Variants in LGR4 observed in about 807,000 individuals in gnomAD.
The protein encoded by LGR4 is leucine rich repeat containing G protein-coupled receptor 4, also known as leucine-rich repeat-containing G protein-coupled receptor 4.
LGR4 carries 44 observed loss-of-function variants against 84.8 expected under a neutral mutation model. The observed-to-expected ratio is 0.52, with a 90% CI of 0.41 to 0.67. The LOEUF is 0.67. Among genes scored for constraint, LGR4 ranks in the 30% least tolerant of loss-of-function variants. The pLI, the probability that LGR4 is intolerant of heterozygous loss-of-function variation, is 0.00. For synonymous variants in LGR4, 429 were observed against 434.3 expected (o/e 0.99, Z 0.15); for missense variants, 1,032 against 1,131.4 (o/e 0.91, Z 1.26).
rs774510969 is a variant in LGR4 at position 27,368,985 on chromosome 11, T to G, written c.1738A>C (p.Ile580Leu). 3.7e-6 allele frequency: 6 copies of G among 1,614,020 alleles called. No individual in the cohort carries two copies. The South Asian group carries it at 4.4e-5, about 12-fold the overall frequency. ...CCCATGAATAAGTTAGACACAGAAA[T>G]CAAGCCTATAAACAATTTGGACGAA... ...LPSSKLFIGL[I>L]SVSNLFMGIY... is the part of the protein sequence containing the mutation. Residue 580 changes from isoleucine to leucine, a missense_variant, in exon 18 of 18, where the codon ATT (isoleucine) becomes CTT (leucine). Ile to Leu is a conservative substitution (Grantham distance 5, BLOSUM62 2). Coordinates refer to ENST00000379214, the MANE Select transcript of LGR4 (RefSeq NM_018490.5).
Position 27,400,659 on chromosome 11 carries a change from T to C in LGR4, c.258-8141A>G, listed in dbSNP as rs375495439. The stretch of plus-strand genomic sequence containing the variant: ...CTGGGATTACAGGCGCCCGCCACTA[T>C]GCCTAGCTAATTTTTGTATTTTTAG... On this transcript the variant is annotated intron_variant, in intron 2 of 17. Coordinates refer to ENST00000379214, the MANE Select transcript of LGR4 (RefSeq NM_018490.5). Among the ~76,000 whole-genome samples, 43 of 152,110 alleles carry C rather than the reference T, an allele frequency of 2.8e-4. 1 individual carries two copies. The East Asian group carries it at 5.4e-3, about 19-fold the overall frequency.
chr11:27,375,951 T>G (rs1255858771), intron 13 of LGR4, among the ~76,000 whole-genome samples: 2 of 151,940 alleles, frequency 1.3e-5, no homozygotes, highest in Admixed American at 1.3e-4. Context: ...AGTCTAAAAA[T>G]AATATTTATT....
At chr11:27,393,179 T>A (rs1439909909) in intron 2 of LGR4, among the ~76,000 whole-genome samples, 1 of 152,186 alleles carries the variant, frequency 6.6e-6, no homozygotes, top group Non-Finnish European at 1.5e-5. Flanking sequence ...ACCCAATTCA[T>A]ACTGAGCCCT....
chr11:27,368,773 T>G lies in LGR4; in HGVS notation c.1950A>C (p.Ile650=). 6.2e-7 allele frequency: 1 copy of G among 1,614,036 alleles called. No homozygotes were observed. The highest frequency in any genetic ancestry group is 8.5e-7 in the Non-Finnish European group (1 of 1,179,988). The change falls in exon 18 of 18, where the codon ATA becomes ATC. Residue 650 remains isoleucine, a synonymous_variant. Coordinates refer to ENST00000379214, the MANE Select transcript of LGR4 (RefSeq NM_018490.5). The part of the protein sequence containing the change: ...TVERSLSAKD[I]MKNGKSNHLK... The stretch of plus-strand genomic sequence containing the variant: ...GATGATTGCTCTTCCCATTTTTCAT[T>G]ATATCTTTTGCAGATAAGCTTCTTT...
Position 27,368,331 on chromosome 11 carries a change from G to C in LGR4, c.2392C>G (p.Pro798Ala), listed in dbSNP as rs1351793855. 1.2e-6 allele frequency: 2 copies of C among 1,613,988 alleles called. No homozygotes were observed. The highest frequency in any genetic ancestry group is 1.7e-6 in the Non-Finnish European group (2 of 1,179,978). Residue 798 changes from proline to alanine, a missense_variant, in exon 18 of 18, where the codon CCA becomes GCA. Coordinates refer to ENST00000379214, the MANE Select transcript of LGR4 (RefSeq NM_018490.5). ...IFFPLPACLN[P>A]VLYVFFNPKF... ...GGGTTGAAGAAAACATACAGGACTGGATTCAGGCAAGCAGGCAATGGAAAA... is the reference window on the plus strand; with the variant it reads ...GGGTTGAAGAAAACATACAGGACTGCATTCAGGCAAGCAGGCAATGGAAAA...
intron 2 of LGR4, among the ~76,000 whole-genome samples, chr11:27,404,765 T>C (rs965805956): frequency 7.5e-5 from 11 of 146,708 alleles, no homozygotes; most frequent in Non-Finnish European, 1.6e-4. Context: ...TTTGGGTGCC[T>C]AGAAGCAACA....
intron 1 of LGR4, among the ~76,000 whole-genome samples, chr11:27,460,348 C>G (rs754503399): frequency 4.0e-5 from 6 of 151,826 alleles, no homozygotes; most frequent in Non-Finnish European, 8.8e-5. Context: ...TGTGGGCTGA[C>G]AAGAAGATAA....
intron 1 of LGR4, among the ~76,000 whole-genome samples, chr11:27,417,044 C>G (rs1863833130): frequency 6.6e-6 from 1 of 152,150 alleles, no homozygotes; most frequent in African/African-American, 2.4e-5. Context: ...TCTGGGCCTT[C>G]TGCCACAGAA....
intron 13 of LGR4, among the ~76,000 whole-genome samples, chr11:27,374,643 C>T (rs1862942807): frequency 6.6e-6 from 1 of 152,186 alleles, no homozygotes; most frequent in Non-Finnish European, 1.5e-5. Context: ...CACACTTACA[C>T]TGAACCTTAA....
At chr11:27,468,148 TC>T (rs1393413792) in intron 1 of LGR4, among the ~76,000 whole-genome samples, 2 of 152,220 alleles carry the variant, frequency 1.3e-5, no homozygotes, top group Non-Finnish European at 2.9e-5. Context: ...TCTGAGATGA[TC>T]TTTCCAAAAG....
intron 13 of LGR4, among the ~76,000 whole-genome samples, chr11:27,374,786 C>T (rs868838624): frequency 6.6e-6 from 1 of 152,112 alleles, no homozygotes; most frequent in African/African-American, 2.4e-5. Context: ...AAAGTGATGG[C>T]AACTAGGAGC....
At chr11:27,372,431 C>A (rs1436714673) in intron 15 of LGR4, 33 bp from the exon 16 acceptor site, 7 of 1,156,836 alleles carry the variant, frequency 6.1e-6, no homozygotes, top group Non-Finnish European at 9.2e-6. Context: ...CTACACTGAA[C>A]AGCAACTCCG....
intron 2 of LGR4, among the ~76,000 whole-genome samples, chr11:27,411,565 C>T (rs549687317): frequency 6.6e-6 from 1 of 152,050 alleles, no homozygotes; most frequent in Non-Finnish European, 1.5e-5. Context: ...AAGCATTTAA[C>T]ATAAATGAAT....
chr11:27,380,738 A>T, intron 8 of LGR4, 27 bp from the exon 9 acceptor site: 1 of 1,483,342 alleles, frequency 6.7e-7, no homozygotes, highest in Non-Finnish European at 9.4e-7. Flanking sequence ...AAAAAGTAAA[A>T]TTTTCATATG....
rs772580595 is a variant in LGR4, at chr11:27,371,658, AT to A, written c.1535del (p.Asn512MetfsTer7). 1 of 1,613,424 alleles carries A rather than the reference AT, an allele frequency of 6.2e-7. No homozygotes were observed. Among genetic ancestry groups the A allele is most frequent in the Non-Finnish European group, 8.5e-7 (1 of 1,179,628 alleles). On this transcript the variant is annotated frameshift_variant, in exon 17 of 18. Coordinates refer to ENST00000379214, the MANE Select transcript of LGR4 (RefSeq NM_018490.5). LOFTEE classifies it low-confidence loss of function (END_TRUNC). ...GGATAATTATTTGACTATGTTCTTC[AT>A]TTTCAAGAGTGCTTGTGACATTTGC... ...DAANVTSTLE[N>X]EEHSQIIIHC... is the part of the protein sequence containing the mutation.
Position 27,378,937 on chromosome 11 carries a change from C to T in LGR4, c.972-169G>A, listed in dbSNP as rs1006237443. On this transcript the variant is annotated intron_variant, in intron 10 of 17. Transcript: ENST00000379214. The stretch of plus-strand genomic sequence containing the variant: ...ACATGCAAGAAGGTGAACTGAACCC[C>T]AATTCTGATATCATCTTCACAGTAA... 5.1e-6 allele frequency: 3 copies of T among 583,752 alleles called. No homozygotes were observed. In the Admixed American group the frequency reaches 1.0e-4, roughly 20 times the overall value. The allele number at this position is 583,752 out of a possible 1,614,324, so 36.2% of individuals were successfully genotyped here.
intron 1 of LGR4, among the ~76,000 whole-genome samples, chr11:27,451,143 T>C (rs1166319054): frequency 6.6e-6 from 1 of 152,214 alleles, no homozygotes; most frequent in Non-Finnish European, 1.5e-5. Context: ...CAACTTTTAT[T>C]TCCAAAGTTA....
intron 1 of LGR4, among the ~76,000 whole-genome samples, chr11:27,432,723 T>C (rs1188908372): frequency 6.6e-6 from 1 of 152,158 alleles, no homozygotes; most frequent in African/African-American, 2.4e-5. Flanking sequence ...TAAACTCCTC[T>C]CCACCCACTG....
intron 1 of LGR4, among the ~76,000 whole-genome samples, chr11:27,430,443 A>G (rs947697804): frequency 6.6e-6 from 1 of 152,218 alleles, no homozygotes; most frequent in Admixed American, 6.5e-5. Context: ...GTGGAGGCAC[A>G]GACACTTAAA....
Sources: gnomAD v4.1 joint callset for allele counts (sites outside exome capture counted in the v4.1 genomes callset) on GRCh38, gnomAD v4.1.1 for gene constraint, MANE v1.5 for transcripts, NCBI Gene and HGNC (gene_info 2026-07-23, HGNC 2026-07-21) for gene names.